Variants in PDE1C observed in about 807,000 individuals in gnomAD.
PDE1C encodes the protein dual specificity calcium/calmodulin-dependent 3',5'-cyclic nucleotide phosphodiesterase 1C.
A neutral mutation model predicts 93.1 loss-of-function variants in PDE1C; 62 were observed. The observed-to-expected ratio is 0.67, with a 90% CI of 0.54 to 0.82. The LOEUF is 0.82. PDE1C is among the 40% of genes least tolerant of loss of function. The pLI is 0.00. For synonymous variants in PDE1C, 325 were observed against 310.1 expected (o/e 1.05, Z -0.50); for missense variants, 742 against 884.6 (o/e 0.84, Z 2.04).
At chr7:32,311,951 G>T (rs1273873827) in intron 1 of PDE1C, among the ~76,000 whole-genome samples, 2 of 151,410 alleles carry the variant, frequency 1.3e-5, no homozygotes, top group Non-Finnish European at 3.0e-5. Context: ...ATTAGGAAAA[G>T]AGGAAGTCAA....
the PDE1C span, chr7:31,651,378 C>T: frequency 1.6e-6 from 2 of 1,264,270 alleles, no homozygotes; most frequent in Non-Finnish European, 2.1e-6. Flanking sequence ...TAATGAGAAA[C>T]CGGCCAGCTT....
At chr7:31,697,324 G>A in the PDE1C span, among the ~76,000 whole-genome samples, 1 of 152,154 alleles carries the variant, frequency 6.6e-6, no homozygotes, top group African/African-American at 2.4e-5. Flanking sequence ...GGATGGGAAA[G>A]GGTCAGAGCA....
At chr7:32,332,831 C>T (rs1390649432) in intron 1 of PDE1C, among the ~76,000 whole-genome samples, 1 of 151,996 alleles carries the variant, frequency 6.6e-6, no homozygotes, top group Non-Finnish European at 1.5e-5. Flanking sequence ...CAAAAACAGG[C>T]AAAACTATTC....
At position 31,947,158 on chromosome 7, in the gene PDE1C, C is replaced by T. The variant is rs563325429; in HGVS notation, c.129-66298G>A. On this transcript the variant is annotated intron_variant, in intron 2 of 17. Coordinates refer to ENST00000396191, the MANE Select transcript of PDE1C (RefSeq NM_001191057.4). ...TAATCCACTGTTATAATAATGGAGCCGTGTTGGTGTGATAATAAGGTGTGC... is the reference window on the plus strand; with the variant it reads ...TAATCCACTGTTATAATAATGGAGCTGTGTTGGTGTGATAATAAGGTGTGC... Among the ~76,000 whole-genome samples the T allele has an allele frequency of 4.6e-5, 7 of 152,106 alleles. No homozygotes were observed. The South Asian group carries it at 6.2e-4, about 14-fold the overall frequency.
At chr7:31,698,851 G>A in the PDE1C span, among the ~76,000 whole-genome samples, 6 of 152,202 alleles carry the variant, frequency 3.9e-5, no homozygotes, top group African/African-American at 1.4e-4. Flanking sequence ...AGAGACCTCA[G>A]GAAAATGTGG....
At chr7:32,298,011 T>A (rs56061438) in intron 1 of PDE1C, among the ~76,000 whole-genome samples, 1 of 33,282 alleles carries the variant, frequency 3.0e-5, no homozygotes, top group Non-Finnish European at 5.3e-5. Flanking sequence ...TCTCTCTCTC[T>A]CTCTCCCTCT....
At chr7:32,108,214 G>A (rs2128753682) in intron 3 of PDE1C, among the ~76,000 whole-genome samples, 1 of 63,220 alleles carries the variant, frequency 1.6e-5, no homozygotes, top group East Asian at 3.5e-4. Context: ...CTGTCAGCAT[G>A]GATAAAAAAG....
chr7:32,245,276 C>A (rs926806462), intron 1 of PDE1C, among the ~76,000 whole-genome samples: 5 of 152,062 alleles, frequency 3.3e-5, no homozygotes, highest in Non-Finnish European at 7.4e-5. Context: ...AGGCAGACAG[C>A]CCTTCTCTTT....
At position 32,335,389 on chromosome 7, in the gene PDE1C, T is replaced by C. The variant is rs187248699; in HGVS notation, c.310+92433A>G. On this transcript the variant is annotated intron_variant, in intron 1 of 1. Transcript: ENST00000672256. Reference sequence around the variant, plus strand: ...TTAGAGTTCTCACCAAGGCCAGGAGTGTTTGGTCCAATAGCTCTGCATTGG... The same window carrying C: ...TTAGAGTTCTCACCAAGGCCAGGAGCGTTTGGTCCAATAGCTCTGCATTGG... Among the ~76,000 whole-genome samples, 143 of 152,208 alleles carry C rather than the reference T, an allele frequency of 9.4e-4. 1 individual carries two copies. The highest frequency in any genetic ancestry group is 1.6e-3 in the Non-Finnish European group (108 of 68,000).
At chr7:31,926,809 C>T (rs76097057) in intron 2 of PDE1C, among the ~76,000 whole-genome samples, 1,738 of 144,252 alleles carry the variant, frequency 0.012, 28 homozygotes, top group African/African-American at 0.04. Flanking sequence ...CAGGAGATTC[C>T]TGGTCTCATG....
chr7:31,625,582 T>C, the PDE1C span, among the ~76,000 whole-genome samples: 1 of 149,308 alleles, frequency 6.7e-6, no homozygotes, highest in Non-Finnish European at 1.5e-5. Flanking sequence ...TGGGAACACA[T>C]GGACACAGGA....
At chr7:31,932,709 T>G (rs1264046096) in intron 2 of PDE1C, among the ~76,000 whole-genome samples, 1 of 152,190 alleles carries the variant, frequency 6.6e-6, no homozygotes, top group Admixed American at 6.5e-5. Flanking sequence ...GCAATCCCAT[T>G]ACTGGGTATA....
At chr7:31,885,239 T>G (rs1323820022) in intron 2 of PDE1C, among the ~76,000 whole-genome samples, 1 of 152,122 alleles carries the variant, frequency 6.6e-6, no homozygotes, top group Admixed American at 6.5e-5. Context: ...ATAATAATAA[T>G]ATTAATAAGA....
At chr7:32,361,048 G>A (rs749257927) in intron 1 of PDE1C, among the ~76,000 whole-genome samples, 20 of 152,306 alleles carry the variant, frequency 1.3e-4, no homozygotes, top group African/African-American at 4.8e-5. Context: ...AGGATGGGGA[G>A]CGAAAAGAAG....
rs558511904 is a variant in PDE1C, at chr7:32,408,163, A to T, written c.310+19659T>A. ...AACAAGAGGTACGCCAAGAGGCTAC[A>T]TTATAAAAAGAACAGAGGATGTAGT... On this transcript the variant is annotated intron_variant, in intron 1 of 1. Transcript: ENST00000672256. Among the ~76,000 whole-genome samples the T allele has an allele frequency of 2.0e-4, 30 of 152,348 alleles. No homozygotes were observed. The South Asian group carries it at 6.2e-3, about 32-fold the overall frequency.
chr7:32,051,480 C>T (rs531621236), intron 2 of PDE1C, 74 bp downstream of exon 2: 5 of 1,385,288 alleles, frequency 3.6e-6, no homozygotes, highest in South Asian at 2.3e-5. Flanking sequence ...AGTTCCAGTC[C>T]ACCATGAGCC....
intron 3 of PDE1C, among the ~76,000 whole-genome samples, chr7:32,085,912 A>C (rs1233814899): frequency 5.4e-5 from 8 of 148,450 alleles, no homozygotes; most frequent in Admixed American, 5.3e-4. Context: ...GAATGGGCAA[A>C]AACTGGAAGC....
Position 32,144,929 on chromosome 7 carries a change from A to G in PDE1C, c.308+24856T>C, listed in dbSNP as rs191520770. On this transcript the variant is annotated intron_variant, in intron 3 of 18. Transcript: ENST00000396193. ...CCACCCTTACTCTCCCTGGATAGAC[A>G]GCAATGATACAGTGAACCTTGCTGT... 2.0e-5 allele frequency among the ~76,000 whole-genome samples: 3 copies of G among 152,340 alleles called. No individual in the cohort carries two copies. The East Asian group carries it at 5.8e-4, about 29-fold the overall frequency.
intron 8 of PDE1C, 30 bp from the exon 9 acceptor site, chr7:31,848,126 T>C (rs1228926950): frequency 1.2e-6 from 2 of 1,607,646 alleles, no homozygotes; most frequent in Non-Finnish European, 1.7e-6. Flanking sequence ...AAATTCAGAA[T>C]GTTAAACAGT....
Sources: gnomAD v4.1 joint callset for allele counts (sites outside exome capture counted in the v4.1 genomes callset) on GRCh38, gnomAD v4.1.1 for gene constraint, MANE v1.5 for transcripts, NCBI Gene and HGNC (gene_info 2026-07-23, HGNC 2026-07-21) for gene names.